Variants in ZNF597 observed in about 807,000 individuals in gnomAD.
ZNF597 encodes zinc finger protein 597.
ZNF597 carries 5 observed loss-of-function variants against 7.3 expected under a neutral mutation model. That is an observed-to-expected ratio of 0.68 (90% CI 0.36 to 1.44). ZNF597 has a LOEUF of 1.44. Among genes scored for constraint, ZNF597 ranks in the 40% most tolerant of loss-of-function variants. The pLI is 0.04. For synonymous variants in ZNF597, 209 were observed against 185.4 expected, an observed-to-expected ratio of 1.13 and a Z score of -1.04; for missense variants, 585 against 517.9, an observed-to-expected ratio of 1.13 and a Z score of -1.26.
rs1045384670 is a variant in ZNF597 at position 3,433,424 on chromosome 16, G to C, written c.*3000C>G. On this transcript the variant is annotated 3_prime_UTR_variant, in exon 4 of 4. Transcript: ENST00000301744. ...GACAAAAACGGAGAAATTTGTCTGA[G>C]TCAATTTATTCAGCACAAAGTTTTC... 2 of 152,214 alleles carry C rather than the reference G, an allele frequency of 1.3e-5. No individual in the cohort carries two copies. The highest frequency in any genetic ancestry group is 6.5e-5 in the Admixed American group (1 of 15,274). 9.4% of individuals were successfully genotyped at this position (152,214 alleles called of 1,614,324 possible).
Position 3,443,351 on chromosome 16 carries a change from C to T in ZNF597, c.-54+9G>A. The T allele has an allele frequency of 1.7e-6, 1 of 593,402 alleles. No individual in the cohort carries two copies. Among genetic ancestry groups the T allele is most frequent in the East Asian group, 3.1e-5 (1 of 32,752 alleles). The allele number at this position is 593,402 out of a possible 1,614,324, so 36.8% of individuals were successfully genotyped here. On this transcript the variant is annotated intron_variant, in intron 1 of 3. Coordinates refer to ENST00000301744, the MANE Select transcript of ZNF597 (RefSeq NM_152457.3). ...CCTCTTGGCCCGGCCTCGAAAGGGG[C>T]CCACTTACCGCTCCGCGGTTAATAA...
intron 2 of ZNF597, among the ~76,000 whole-genome samples, chr16:3,441,662 G>A (rs1596268683): frequency 6.6e-6 from 1 of 152,154 alleles, no homozygotes; most frequent in East Asian, 1.9e-4. Flanking sequence ...CTCCAGCCTG[G>A]GCAACAAGAG....
chr16:3,441,348 G>C (rs1053947706), intron 2 of ZNF597, among the ~76,000 whole-genome samples: 18 of 152,042 alleles, frequency 1.2e-4, no homozygotes, highest in Non-Finnish European at 2.2e-4. Context: ...TCAGGTGTTC[G>C]AGACCAGCCT....
At chr16:3,440,209 G>A (rs765039412) in intron 3 of ZNF597, among the ~76,000 whole-genome samples, 8 of 152,226 alleles carry the variant, frequency 5.3e-5, no homozygotes, top group Non-Finnish European at 1.0e-4. Context: ...TTTAGCAAAT[G>A]ATAGTGATCG....
intron 2 of ZNF597, among the ~76,000 whole-genome samples, chr16:3,441,414 C>T (rs1474691959): frequency 6.6e-6 from 1 of 152,092 alleles, no homozygotes; most frequent in African/African-American, 2.4e-5. Context: ...AGGCTGGGCA[C>T]AGTGGCTCAC....
At position 3,437,095 on chromosome 16, in the gene ZNF597, G is replaced by GACA. The variant is rs769620883; in HGVS notation, c.603_604insTGT (p.Thr201_His202insCys). 19 of 1,614,176 alleles carry GACA rather than the reference G, an allele frequency of 1.2e-5. No homozygotes were observed. Among genetic ancestry groups the GACA allele is most frequent in the Non-Finnish European group, 1.5e-5 (18 of 1,180,036 alleles). ...TTCTCACCAGTATGGATTCTCCTGT[G>GACA]TGTCCTCAGGTTGGCTCTATGATTG... On this transcript the variant is annotated inframe_insertion, in exon 4 of 4. Coordinates refer to ENST00000301744, the MANE Select transcript of ZNF597 (RefSeq NM_152457.3).
At chr16:3,441,544 G>A (rs1201627917) in intron 2 of ZNF597, among the ~76,000 whole-genome samples, 3 of 152,192 alleles carry the variant, frequency 2.0e-5, no homozygotes, top group African/African-American at 7.2e-5. Flanking sequence ...AAATTAGCCA[G>A]GTGTGGTGGC....
chr16:3,442,202 G>C (rs775810607), intron 2 of ZNF597, among the ~76,000 whole-genome samples: 20 of 152,162 alleles, frequency 1.3e-4, no homozygotes, highest in Non-Finnish European at 2.4e-4. Context: ...TACTCAACGA[G>C]TGTGGAGTCT....
intron 1 of ZNF597, 34 bp from the exon 2 acceptor site, chr16:3,443,240 A>C (rs3816916): frequency 0.24 from 339,478 of 1,386,414 alleles, 43,665 homozygotes; most frequent in African/African-American, 0.42. Flanking sequence ...TAAAGGGACC[A>C]ATTCCGCTGC....
intron 2 of ZNF597, among the ~76,000 whole-genome samples, chr16:3,441,722 G>A (rs2034375426): frequency 6.6e-6 from 1 of 151,968 alleles, no homozygotes. Context: ...TCGTGCCACT[G>A]CACTCCAGCC....
At chr16:3,438,507 G>A (rs1189458002) in intron 3 of ZNF597, among the ~76,000 whole-genome samples, 1 of 151,804 alleles carries the variant, frequency 6.6e-6, no homozygotes, top group African/African-American at 2.4e-5. Flanking sequence ...AGCTTGCAGT[G>A]AGCCGAGATC....
At chr16:3,442,302 C>G (rs554293279) in intron 2 of ZNF597, among the ~76,000 whole-genome samples, 15 of 149,110 alleles carry the variant, frequency 1.0e-4, no homozygotes, top group Admixed American at 8.7e-4. Flanking sequence ...ACTTTTAATC[C>G]TAGCACTTTG....
At chr16:3,442,056 A>G (rs1017991951) in intron 2 of ZNF597, among the ~76,000 whole-genome samples, 2 of 151,582 alleles carry the variant, frequency 1.3e-5, no homozygotes, top group African/African-American at 4.8e-5. Flanking sequence ...AGGTTACAGG[A>G]TTCTCCCAAC....
chr16:3,441,047 G>A (rs2034363001), intron 2 of ZNF597, 114 bp from the exon 3 acceptor site: 8 of 1,418,502 alleles, frequency 5.6e-6, no homozygotes, highest in Non-Finnish European at 7.5e-6. Context: ...AAGGCTCGGT[G>A]TAAAAGGTTC....
intron 3 of ZNF597, 25 bp from the exon 4 acceptor site, chr16:3,437,563 A>C: frequency 6.4e-7 from 1 of 1,564,200 alleles, no homozygotes; most frequent in Non-Finnish European, 8.6e-7. Flanking sequence ...AAAAGAAAGC[A>C]AAACATAGAC....
chr16:3,442,777 A>T (rs1419450015), intron 2 of ZNF597, among the ~76,000 whole-genome samples: 6 of 152,128 alleles, frequency 3.9e-5, no homozygotes, highest in Non-Finnish European at 8.8e-5. Flanking sequence ...TGAGTTCCAG[A>T]CGGAGCTATG....
intron 1 of ZNF597, 37 bp downstream of exon 1, chr16:3,443,320 GCTC>G (rs2034423816): frequency 3.1e-6 from 2 of 643,006 alleles, no homozygotes; most frequent in African/African-American, 4.0e-5. Context: ...TACGCCGACT[GCTC>G]CTCCTCTTGG....
At chr16:3,442,405 G>A (rs2034395452) in intron 2 of ZNF597, among the ~76,000 whole-genome samples, 1 of 152,192 alleles carries the variant, frequency 6.6e-6, no homozygotes, top group Non-Finnish European at 1.5e-5. Context: ...GCCGGGCGCA[G>A]TGGCTCACAC....
At position 3,437,374 on chromosome 16, in the gene ZNF597, T is replaced by C; in HGVS notation, c.325A>G (p.Thr109Ala). The C allele has an allele frequency of 6.2e-7, 1 of 1,613,974 alleles. No individual in the cohort carries two copies. The highest frequency in any genetic ancestry group is 8.5e-7 in the Non-Finnish European group (1 of 1,180,006). Residue 109 changes from threonine to alanine, a missense_variant, in exon 4 of 4, where the codon ACT (threonine) becomes GCT (alanine). By Grantham distance (58) the Thr-to-Ala change is moderately conservative. Transcript: ENST00000301744. ...GNPEAKILSG[T>A]PTYKRRVISL... ...ATGACCCTTCTCTTGTAAGTGGGAG[T>C]TCCACTTAATATTTTCGCTTCAGGG...
Sources: gnomAD v4.1 joint callset for allele counts (sites outside exome capture counted in the v4.1 genomes callset) on GRCh38, gnomAD v4.1.1 for gene constraint, MANE v1.5 for transcripts, NCBI Gene and HGNC (gene_info 2026-07-23, HGNC 2026-07-21) for gene names.